BTG4: variants seen among roughly 807,000 people sequenced by gnomAD.
The protein encoded by BTG4 is BTG anti-proliferation factor 4, also known as protein BTG4.
A neutral mutation model predicts 19.3 loss-of-function variants in BTG4; 10 were observed. The observed-to-expected ratio is 0.52, with a 90% CI of 0.32 to 0.88. The LOEUF is 0.88. Ranked by LOEUF, BTG4 falls within the 40% of genes least tolerant of loss-of-function variation. BTG4 has a pLI of 0.04. For missense variants in BTG4, 238 were observed against 281.9 expected, an observed-to-expected ratio of 0.84 and a Z score of 1.11; for synonymous variants, 91 against 95.7, an observed-to-expected ratio of 0.95 and a Z score of 0.29.
At chr11:111,467,708 G>T (rs11603646) in intron 5 of BTG4, 8 of 742,080 alleles carry the variant, frequency 1.1e-5, no homozygotes, top group Non-Finnish European at 2.0e-5. Context: ...ATAAATGAAA[G>T]CAAAAAGAAC....
chr11:111,504,941 T>A (rs1309963502), intron 1 of BTG4, among the ~76,000 whole-genome samples: 1 of 152,026 alleles, frequency 6.6e-6, no homozygotes, highest in Non-Finnish European at 1.5e-5. Flanking sequence ...CAAGGAGAAC[T>A]ACAAAACACT....
intron 2 of BTG4, 119 bp from the exon 3 acceptor site, chr11:111,498,254 C>T: frequency 9.2e-7 from 1 of 1,090,668 alleles, no homozygotes; most frequent in Non-Finnish European, 1.3e-6. Context: ...AGCCTCCTTC[C>T]CCTCAGCCTC....
chr11:111,448,297 T>A, the BTG4 span, among the ~76,000 whole-genome samples: 1 of 152,174 alleles, frequency 6.6e-6, no homozygotes, highest in Admixed American at 6.5e-5. Context: ...GCTGGCTTTA[T>A]GAGACACCTG....
chr11:111,460,318 C>T, the BTG4 span: 1 of 152,708 alleles, frequency 6.5e-6, no homozygotes, highest in African/African-American at 2.4e-5. Flanking sequence ...TGGTGGTGCC[C>T]GTTGTCCAGG....
intron 5 of BTG4, among the ~76,000 whole-genome samples, chr11:111,478,918 A>T (rs1864562040): frequency 6.6e-6 from 1 of 152,072 alleles, no homozygotes; most frequent in Non-Finnish European, 1.5e-5. Context: ...AAGACTCAGA[A>T]AGAGAAAAGA....
At chr11:111,453,578 G>A in the BTG4 span, 1 of 449,988 alleles carries the variant, frequency 2.2e-6, no homozygotes, top group Admixed American at 2.4e-5. Context: ...GTTGAGGGGG[G>A]TCCTGGTGAG....
At chr11:111,404,126 T>C in the BTG4 span, among the ~76,000 whole-genome samples, 2 of 151,926 alleles carry the variant, frequency 1.3e-5, no homozygotes, top group Non-Finnish European at 2.9e-5. Flanking sequence ...TGAAATCTGA[T>C]GGTTTTATAC....
intron 1 of BTG4, among the ~76,000 whole-genome samples, chr11:111,510,792 T>C (rs1215698832): frequency 1.3e-5 from 2 of 152,250 alleles, no homozygotes; most frequent in Admixed American, 6.5e-5. Context: ...TTTTTATTAC[T>C]TTTGAAGAAA....
the BTG4 span, among the ~76,000 whole-genome samples, chr11:111,394,073 C>T: frequency 1.3e-5 from 2 of 152,216 alleles, no homozygotes. Context: ...AAAGGCACAT[C>T]ATGAAGCCTC....
chr11:111,494,512 C>T (rs2135658543), downstream of BTG4, among the ~76,000 whole-genome samples: 1 of 152,342 alleles, frequency 6.6e-6, no homozygotes, highest in Non-Finnish European at 1.5e-5. Flanking sequence ...GGCATTTCCT[C>T]ATACCATAAA....
At chr11:111,397,861 C>CA in the BTG4 span, 2 of 152,214 alleles carry the variant, frequency 1.3e-5, no homozygotes, top group Admixed American at 1.3e-4. Flanking sequence ...CACTACACTT[C>CA]AAGTGATGCT....
At chr11:111,426,460 G>T in the BTG4 span, among the ~76,000 whole-genome samples, 47 of 152,324 alleles carry the variant, frequency 3.1e-4, no homozygotes, top group African/African-American at 1.1e-3. Flanking sequence ...GCAGAAATAT[G>T]CATGGCAAAT....
chr11:111,441,819 G>A, the BTG4 span, among the ~76,000 whole-genome samples: 2 of 152,200 alleles, frequency 1.3e-5, no homozygotes, highest in Admixed American at 6.5e-5. Context: ...AGCACCTTGA[G>A]AGGCTGAGGC....
the BTG4 span, among the ~76,000 whole-genome samples, chr11:111,459,306 A>G: frequency 6.6e-6 from 1 of 152,134 alleles, no homozygotes; most frequent in East Asian, 1.9e-4. Context: ...TAACTTCTAC[A>G]GAGTCCTGAG....
At chr11:111,394,892 T>C in the BTG4 span, among the ~76,000 whole-genome samples, 5 of 152,226 alleles carry the variant, frequency 3.3e-5, no homozygotes, top group Admixed American at 2.6e-4. Context: ...GAGATGCTCA[T>C]AAAATCATTC....
intron 1 of BTG4, 147 bp from the exon 2 acceptor site, chr11:111,498,949 T>C (rs1377289705): frequency 5.5e-6 from 3 of 550,242 alleles, no homozygotes; most frequent in Non-Finnish European, 9.4e-6. Context: ...ACTAGGTAAG[T>C]ACATGAACAC....
upstream of BTG4, chr11:111,512,886 G>C: frequency 2.4e-6 from 1 of 423,526 alleles, no homozygotes; most frequent in South Asian, 1.7e-5. Flanking sequence ...GGCGGGCCCC[G>C]ACCCCGCGTC....
At chr11:111,419,428 G>A in the BTG4 span, among the ~76,000 whole-genome samples, 12 of 152,354 alleles carry the variant, frequency 7.9e-5, no homozygotes, top group East Asian at 1.9e-3. Flanking sequence ...TCCTGTACGT[G>A]CCCCTCGCCC....
intron 5 of BTG4, among the ~76,000 whole-genome samples, chr11:111,471,956 T>C (rs1157924510): frequency 1.3e-5 from 2 of 152,182 alleles, no homozygotes; most frequent in African/African-American, 4.8e-5. Flanking sequence ...AATCCTGTTG[T>C]TCTACTTTCA....
Sources: gnomAD v4.1 joint callset for allele counts (sites outside exome capture counted in the v4.1 genomes callset) on GRCh38, gnomAD v4.1.1 for gene constraint, MANE v1.5 for transcripts, NCBI Gene and HGNC (gene_info 2026-07-23, HGNC 2026-07-21) for gene names.